The following GRB10 variants were observed in gnomAD, a reference collection of about 807,000 sequenced individuals.
The protein encoded by GRB10 is growth factor receptor-bound protein 10.
A neutral mutation model predicts 80.9 loss-of-function variants in GRB10; 20 were observed. The observed-to-expected ratio is 0.25, with a 90% CI of 0.17 to 0.36. The LOEUF is 0.36. Ranked by LOEUF, GRB10 falls within the 10% of genes least tolerant of loss-of-function variation. GRB10 has a pLI of 1.00. For missense variants in GRB10, 548 were observed against 747.7 expected (o/e 0.73, Z 3.12); for synonymous variants, 291 against 291.5 (o/e 1.00, Z 0.02).
chr7:50,673,212 G>C (rs1406956581), intron 6 of GRB10, among the ~76,000 whole-genome samples: 1 of 152,170 alleles, frequency 6.6e-6, no homozygotes, highest in East Asian at 1.9e-4. Flanking sequence ...CATCCTGACA[G>C]AGGCCAGTGA....
chr7:50,784,571 G>T (rs1488895700), upstream of GRB10, among the ~76,000 whole-genome samples: 3 of 152,338 alleles, frequency 2.0e-5, no homozygotes, highest in South Asian at 6.2e-4. Flanking sequence ...AAATGCCAGA[G>T]GTCCCAGTTC....
chr7:50,750,461 G>A (rs184752086), intron 3 of GRB10, among the ~76,000 whole-genome samples: 10 of 152,236 alleles, frequency 6.6e-5, no homozygotes, highest in East Asian at 1.9e-4. Flanking sequence ...GATATCCAAC[G>A]GTTGCCATTC....
chr7:50,639,588 G>A (rs1041505697), intron 7 of GRB10, among the ~76,000 whole-genome samples: 3 of 152,152 alleles, frequency 2.0e-5, no homozygotes, highest in Non-Finnish European at 2.9e-5. Context: ...CGGGAGAATG[G>A]CGTGAACCGG....
chr7:50,764,156 C>T (rs550140098), intron 2 of GRB10, among the ~76,000 whole-genome samples: 1 of 146,524 alleles, frequency 6.8e-6, no homozygotes, highest in South Asian at 2.1e-4. Flanking sequence ...CCTTCCCCTG[C>T]TGGTAGCCTC....
intron 7 of GRB10, among the ~76,000 whole-genome samples, chr7:50,628,739 C>T (rs2053468966): frequency 6.6e-6 from 1 of 152,148 alleles, no homozygotes; most frequent in African/African-American, 2.4e-5. Context: ...CAAAGAAATC[C>T]CAGGGCTGGG....
intron 17 of GRB10, among the ~76,000 whole-genome samples, chr7:50,600,705 C>T (rs1422210258): frequency 6.6e-6 from 1 of 152,066 alleles, no homozygotes; most frequent in African/African-American, 2.4e-5. Context: ...GAAAAATGGA[C>T]AAAAAATGTA....
chr7:50,652,493 G>C (rs765252591), intron 7 of GRB10, among the ~76,000 whole-genome samples: 117 of 152,294 alleles, frequency 7.7e-4, no homozygotes, highest in Non-Finnish European at 2.8e-4. Flanking sequence ...CGCCTTCCAG[G>C]GACTTGGGCC....
chr7:50,707,851 T>C (rs935319855), intron 4 of GRB10, among the ~76,000 whole-genome samples: 2 of 152,164 alleles, frequency 1.3e-5, no homozygotes, highest in Non-Finnish European at 2.9e-5. Flanking sequence ...CACTGTGAGG[T>C]ATGAGGCCCA....
At chr7:50,779,927 A>T (rs894607159) in intron 2 of GRB10, among the ~76,000 whole-genome samples, 1 of 152,214 alleles carries the variant, frequency 6.6e-6, no homozygotes, top group Non-Finnish European at 1.5e-5. Context: ...AAGTCTCCAC[A>T]GACCAGAAAT....
chr7:50,710,014 A>C (rs895937565), intron 4 of GRB10, among the ~76,000 whole-genome samples: 1 of 152,058 alleles, frequency 6.6e-6, no homozygotes, highest in Non-Finnish European at 1.5e-5. Context: ...CTGGGTGCTC[A>C]CTATGTAGAA....
intron 7 of GRB10, among the ~76,000 whole-genome samples, chr7:50,651,428 C>T (rs1240536948): frequency 1.3e-5 from 2 of 152,178 alleles, no homozygotes; most frequent in Non-Finnish European, 2.9e-5. Flanking sequence ...GTGGCATTCT[C>T]GTCCCGTGTC....
At chr7:50,778,706 G>A (rs965982797) in intron 2 of GRB10, among the ~76,000 whole-genome samples, 6 of 152,196 alleles carry the variant, frequency 3.9e-5, no homozygotes, top group African/African-American at 1.2e-4. Context: ...AGCCCCACTG[G>A]GACATCTTTA....
chr7:50,793,023 T>G (rs1334503209), intron 1 of GRB10: 3 of 139,228 alleles, frequency 2.2e-5, no homozygotes, highest in Admixed American at 1.4e-4. Context: ...CACCGCCCGC[T>G]GCGGGCCCGG....
intron 17 of GRB10, 142 bp downstream of exon 17, chr7:50,603,856 T>G (rs535169161): frequency 3.7e-6 from 3 of 812,978 alleles, no homozygotes; most frequent in South Asian, 1.4e-5. Context: ...CACTTATACC[T>G]CTAGCCTACC....
intron 4 of GRB10, among the ~76,000 whole-genome samples, chr7:50,730,874 G>A (rs1054244415): frequency 1.3e-5 from 2 of 152,216 alleles, no homozygotes; most frequent in African/African-American, 4.8e-5. Context: ...CTACGAAAAT[G>A]ACCTCAAGAG....
chr7:50,613,645 A>G (rs1163005139), intron 12 of GRB10, among the ~76,000 whole-genome samples: 1 of 152,180 alleles, frequency 6.6e-6, no homozygotes, highest in Non-Finnish European at 1.5e-5. Context: ...AGAGAAGCAG[A>G]GACTGCGTTT....
At chr7:50,753,473 T>C (rs1325703890) in intron 3 of GRB10, among the ~76,000 whole-genome samples, 1 of 151,978 alleles carries the variant, frequency 6.6e-6, no homozygotes, top group African/African-American at 2.4e-5. Context: ...CATCTGAGAG[T>C]CCCAAGTCAA....
At position 50,688,633 on chromosome 7, in the gene GRB10, T is replaced by G. The variant is rs538272388; in HGVS notation, c.140-13975A>C. Among the ~76,000 whole-genome samples, 8 of 149,972 alleles carry G rather than the reference T, an allele frequency of 5.3e-5. 1 individual carries two copies. The South Asian group carries it at 1.3e-3, about 24-fold the overall frequency. On this transcript the variant is annotated intron_variant, in intron 5 of 18. Coordinates refer to ENST00000401949, the MANE Select transcript of GRB10 (RefSeq NM_001350814.2). ...AAGGATGTGAGAAGACGCCAAAGAGTAGAGTGAGGACTCACTCCTAGGCCA... is the reference window on the plus strand; with the variant it reads ...AAGGATGTGAGAAGACGCCAAAGAGGAGAGTGAGGACTCACTCCTAGGCCA...
intron 7 of GRB10, among the ~76,000 whole-genome samples, chr7:50,652,310 A>G (rs2058088213): frequency 6.6e-6 from 1 of 152,206 alleles, no homozygotes; most frequent in African/African-American, 2.4e-5. Context: ...GCAAGCTTCT[A>G]GGTTCCCATC....
Sources: allele counts gnomAD v4.1 joint callset (sites outside exome capture counted in the v4.1 genomes callset), GRCh38; gene constraint gnomAD v4.1.1; transcripts MANE v1.5; gene names NCBI Gene and HGNC (gene_info 2026-07-23, HGNC 2026-07-21).